The following DIPK2A variants were observed in gnomAD, a reference collection of about 807,000 sequenced individuals.
DIPK2A encodes the protein divergent protein kinase domain 2A.
Under a neutral mutation model 39.0 loss-of-function variants are expected in DIPK2A, and 27 were observed. The ratio of observed to expected loss-of-function variants is 0.69; its 90% CI spans 0.51 to 0.96. The LOEUF (loss-of-function observed/expected upper bound fraction) is 0.96, where lower values mean the gene tolerates loss of function less well. Among genes scored for constraint, DIPK2A ranks in the 40% least tolerant of loss-of-function variants. DIPK2A has a pLI of 0.00. For missense variants in DIPK2A, 528 were observed against 571.3 expected, an observed-to-expected ratio of 0.92 and a Z score of 0.77; for synonymous variants, 298 against 240.8, an observed-to-expected ratio of 1.24 and a Z score of -2.20.
intron 1 of DIPK2A, among the ~76,000 whole-genome samples, chr3:143,974,295 G>A (rs1007074336): frequency 1.3e-5 from 2 of 152,150 alleles, no homozygotes; most frequent in East Asian, 3.8e-4. Context: ...TGAAACTTTA[G>A]TGTGGGTCTT....
Position 143,972,484 on chromosome 3 carries a change from A to C in DIPK2A, c.152A>C (p.Gln51Pro). The C allele has an allele frequency of 1.9e-6, 3 of 1,608,060 alleles. No individual in the cohort carries two copies. Among genetic ancestry groups the C allele is most frequent in the Non-Finnish European group, 2.5e-6 (3 of 1,176,924 alleles). ...RNELTDRRFL[Q>P]LNKCPACFGT... ...GAACTGACCGACCGGCGCTTCCTGC[A>C]GCTCAATAAGTGCCCGGCGTGCTTC... is the stretch of plus-strand genomic sequence containing the variant. Residue 51 changes from glutamine to proline, a missense_variant, in exon 1 of 3, where the codon CAG (glutamine) becomes CCG (proline). Gln to Pro is a moderately conservative substitution (Grantham distance 76). Coordinates refer to ENST00000315691, the MANE Select transcript of DIPK2A (RefSeq NM_173552.5).
intron 1 of DIPK2A, 103 bp downstream of exon 1, chr3:143,973,092 G>C (rs2087681919): frequency 7.1e-7 from 1 of 1,405,372 alleles, no homozygotes; most frequent in African/African-American, 1.4e-5. Context: ...GTTCGGACTC[G>C]GCCGGGCTGG....
intron 1 of DIPK2A, chr3:143,973,525 T>TG: frequency 1.3e-6 from 2 of 1,551,498 alleles, no homozygotes; most frequent in Non-Finnish European, 1.7e-6. Context: ...GAGGACAAGT[T>TG]GGGGAGGATG....
chr3:143,978,625 T>G (rs1183928849), intron 1 of DIPK2A: 66 of 32,354 alleles, frequency 2.0e-3, no homozygotes, highest in African/African-American at 0.018. Context: ...TCTATATCTA[T>G]ATATATATAT....
rs975640920 is a variant in DIPK2A, at chr3:143,972,190, A to T, written c.-143A>T. On this transcript the variant is annotated 5_prime_UTR_variant, in exon 1 of 3. Transcript: ENST00000315691. ...TTCCCGCTCCCCGTCTTCCTCTCTC[A>T]CACACCTACTCCGCCCTCCGCCCCA... 2 of 661,032 alleles carry T rather than the reference A, an allele frequency of 3.0e-6. No homozygotes were observed. Among genetic ancestry groups the T allele is most frequent in the Admixed American group, 4.2e-5 (1 of 24,078 alleles). 40.9% of individuals were successfully genotyped at this position (661,032 alleles called of 1,614,324 possible).
chr3:143,979,143 C>T (rs574481700), intron 1 of DIPK2A, among the ~76,000 whole-genome samples: 4 of 152,186 alleles, frequency 2.6e-5, no homozygotes, highest in African/African-American at 9.6e-5. Context: ...AAAAATCCTA[C>T]TTTTCTTATT....
chr3:143,989,016 T>C (rs1397922328), intron 2 of DIPK2A, among the ~76,000 whole-genome samples: 2 of 152,218 alleles, frequency 1.3e-5, no homozygotes, highest in East Asian at 3.8e-4. Context: ...TCTCACACTC[T>C]AGCCACAGTG....
intron 1 of DIPK2A, chr3:143,973,273 C>G: frequency 7.1e-7 from 1 of 1,401,442 alleles, no homozygotes; most frequent in South Asian, 1.2e-5. Context: ...TCTTAACACT[C>G]CCCAAAATGT....
At chr3:143,986,061 G>T in intron 2 of DIPK2A, 1 of 538,224 alleles carries the variant, frequency 1.9e-6, no homozygotes, top group Non-Finnish European at 3.3e-6. Flanking sequence ...TGAAAATATT[G>T]TTATTTGAAA....
At chr3:143,985,912 G>A (rs2087892803) in intron 2 of DIPK2A, 66 bp downstream of exon 2, 1 of 1,326,408 alleles carries the variant, frequency 7.5e-7, no homozygotes, top group East Asian at 2.4e-5. Flanking sequence ...GTTTATACTT[G>A]TATGAAATGA....
Position 143,972,303 on chromosome 3 carries a change from T to C in DIPK2A, c.-30T>C, listed in dbSNP as rs2087661323. 2.2e-6 allele frequency: 3 copies of C among 1,340,062 alleles called. No individual in the cohort carries two copies. Among genetic ancestry groups the C allele is most frequent in the South Asian group, 2.0e-5 (1 of 50,948 alleles). 83.0% of individuals were successfully genotyped at this position (1,340,062 alleles called of 1,614,324 possible). On this transcript the variant is annotated 5_prime_UTR_variant, in exon 1 of 3. Coordinates refer to ENST00000315691, the MANE Select transcript of DIPK2A (RefSeq NM_173552.5). ...CGGCGGGGGCGCCCCGGGGGTGCCCTCGCCCTCCCGTTGCGGGCGGGCGGG... is the reference window on the plus strand; with the variant it reads ...CGGCGGGGGCGCCCCGGGGGTGCCCCCGCCCTCCCGTTGCGGGCGGGCGGG...
chr3:143,977,284 A>G (rs1235862808), intron 1 of DIPK2A, among the ~76,000 whole-genome samples: 1 of 152,084 alleles, frequency 6.6e-6, no homozygotes, highest in African/African-American at 2.4e-5. Context: ...TTTCAGCTCC[A>G]ACATTCTGGG....
At chr3:143,981,582 A>G (rs1576809842) in intron 1 of DIPK2A, among the ~76,000 whole-genome samples, 1 of 152,184 alleles carries the variant, frequency 6.6e-6, no homozygotes, top group African/African-American at 2.4e-5. Context: ...TTCCAGCATA[A>G]TGTTGGCTTC....
intron 1 of DIPK2A, among the ~76,000 whole-genome samples, chr3:143,982,129 T>A (rs919017594): frequency 2.0e-5 from 3 of 152,238 alleles, no homozygotes; most frequent in African/African-American, 7.2e-5. Flanking sequence ...TTGTGGATGC[T>A]CTCTACGTTT....
At chr3:143,976,489 CATCGTATTTGTATTTA>C (rs2087730004) in intron 1 of DIPK2A, among the ~76,000 whole-genome samples, 1 of 149,408 alleles carries the variant, frequency 6.7e-6, no homozygotes, top group African/African-American at 2.5e-5. Flanking sequence ...ATAAATTTTC[CATCGTATTTGTATTTA>C]ACCTATTGAA....
chr3:143,973,001 G>A lies in DIPK2A; in HGVS notation c.657+12G>A, dbSNP rs1344582078. 1.3e-6 allele frequency: 2 copies of A among 1,570,534 alleles called. No individual in the cohort carries two copies. Among genetic ancestry groups the A allele is most frequent in the African/African-American group, 1.3e-5 (1 of 74,388 alleles). ...CGCTGGTGCTACAGGTAGGCGCGGA[G>A]CCAGGGCAGGGGGCGTCCTGGGAGG... On this transcript the variant is annotated intron_variant, in intron 1 of 2. Transcript: ENST00000315691.
At chr3:143,983,926 T>G (rs1214696426) in intron 1 of DIPK2A, among the ~76,000 whole-genome samples, 5 of 152,222 alleles carry the variant, frequency 3.3e-5, no homozygotes, top group Non-Finnish European at 7.3e-5. Context: ...ATCTGTTGAT[T>G]AGTCACTTCC....
intron 1 of DIPK2A, 26 bp downstream of exon 1, chr3:143,973,015 C>T (rs1283266496): frequency 6.4e-7 from 1 of 1,555,698 alleles, no homozygotes; most frequent in Non-Finnish European, 8.7e-7. Flanking sequence ...GGGCAGGGGG[C>T]GTCCTGGGAG....
At chr3:143,989,412 A>G in intron 2 of DIPK2A, 98 bp from the exon 3 acceptor site, 1 of 706,354 alleles carries the variant, frequency 1.4e-6, no homozygotes, top group East Asian at 2.7e-5. Flanking sequence ...CTAAAAGTGT[A>G]GAACAAATAC....
Sources: allele counts gnomAD v4.1 joint callset (sites outside exome capture counted in the v4.1 genomes callset), GRCh38; gene constraint gnomAD v4.1.1; transcripts MANE v1.5; gene names NCBI Gene and HGNC (gene_info 2026-07-23, HGNC 2026-07-21).